Variants in ITGB8 observed in about 807,000 individuals in gnomAD.
The protein encoded by ITGB8 is integrin subunit beta 8, also known as integrin beta-8.
In ITGB8, 30 loss-of-function variants were observed where a neutral mutation model predicts 89.5. The observed-to-expected ratio is 0.34, with a 90% CI of 0.25 to 0.45. ITGB8 has a LOEUF of 0.45. ITGB8 is among the 20% of genes least tolerant of loss of function. The pLI is 1.00. For missense variants in ITGB8, 836 were observed against 933.3 expected, an observed-to-expected ratio of 0.90 and a Z score of 1.36; for synonymous variants, 335 against 320.4, an observed-to-expected ratio of 1.05 and a Z score of -0.49.
chr7:20,335,623 G>T (rs140928868), intron 1 of ITGB8, among the ~76,000 whole-genome samples: 41 of 152,120 alleles, frequency 2.7e-4, no homozygotes, highest in African/African-American at 9.6e-4. Context: ...CTCTCCTTTT[G>T]CTATAAGTCC....
intron 1 of ITGB8, among the ~76,000 whole-genome samples, chr7:20,344,778 C>G (rs1294306146): frequency 6.6e-6 from 1 of 152,148 alleles, no homozygotes; most frequent in East Asian, 1.9e-4. Context: ...CAGAAGTAAA[C>G]AGAAAGAGAG....
At position 20,409,875 on chromosome 7, in the gene ITGB8, G is replaced by A. The variant is rs953061426; in HGVS notation, c.2188G>A (p.Asp730Asn). The change falls in exon 14 of 14, where the codon GAT becomes AAT. Residue 730 changes from aspartate to asparagine, a missense_variant and splice_region_variant. Asp to Asn is a conservative substitution (Grantham distance 23). This residue lies in a region of ITGB8 where 422 missense variants were observed against 416.9 expected (regional missense o/e 1.01). Coordinates refer to ENST00000222573, the MANE Select transcript of ITGB8 (RefSeq NM_002214.3). ...ATAATAATATTTCTTCTCTATTAAG[G>A]ATAAGTTGATTCTGCAAAGTGTTTG... is the stretch of plus-strand genomic sequence containing the variant. ...SDYRVSASKK[D>N]KLILQSVCTR... The A allele has an allele frequency of 6.2e-6, 10 of 1,613,068 alleles. No homozygotes were observed. The highest frequency in any genetic ancestry group is 3.3e-5 in the Admixed American group (2 of 59,922).
chr7:20,402,313 C>T (rs888186091), intron 10 of ITGB8, among the ~76,000 whole-genome samples, 187 bp downstream of exon 10: 1 of 152,158 alleles, frequency 6.6e-6, no homozygotes, highest in African/African-American at 2.4e-5. Context: ...ATATTTATAT[C>T]TTAACCTATT....
intron 6 of ITGB8, 171 bp downstream of exon 6, chr7:20,382,056 C>T (rs1248155113): frequency 4.1e-6 from 2 of 490,498 alleles, no homozygotes; most frequent in Non-Finnish European, 7.1e-6. Context: ...AAATACTGAT[C>T]AATAAAATAT....
chr7:20,385,147 C>A (rs994434216), intron 6 of ITGB8, among the ~76,000 whole-genome samples: 1 of 152,226 alleles, frequency 6.6e-6, no homozygotes, highest in Non-Finnish European at 1.5e-5. Context: ...AGAAACTGTT[C>A]ACCCACCCCT....
chr7:20,362,446 A>C (rs1785541259), intron 1 of ITGB8, among the ~76,000 whole-genome samples: 1 of 152,226 alleles, frequency 6.6e-6, no homozygotes, highest in Non-Finnish European at 1.5e-5. Context: ...GAGATGGCAA[A>C]GAGAGATACT....
intron 5 of ITGB8, 123 bp from the exon 6 acceptor site, chr7:20,381,604 C>G (rs1786397700): frequency 1.5e-6 from 1 of 668,268 alleles, no homozygotes; most frequent in African/African-American, 1.8e-5. Context: ...AGCGTTGTAC[C>G]CACGCACATC....
chr7:20,344,133 A>G (rs1337647415), intron 1 of ITGB8, among the ~76,000 whole-genome samples: 1 of 152,162 alleles, frequency 6.6e-6, no homozygotes, highest in Non-Finnish European at 1.5e-5. Flanking sequence ...GTGGGCATAC[A>G]ATACGAGATA....
chr7:20,401,693 T>C, intron 9 of ITGB8, 28 bp from the exon 10 acceptor site: 1 of 1,356,610 alleles, frequency 7.4e-7, no homozygotes, highest in Non-Finnish European at 1.0e-6. Context: ...GGTATATAAA[T>C]ATATTTCCTT....
intron 3 of ITGB8, among the ~76,000 whole-genome samples, chr7:20,369,526 A>G (rs1785843999): frequency 6.6e-6 from 1 of 152,184 alleles, no homozygotes; most frequent in South Asian, 2.1e-4. Flanking sequence ...TGTCGGCTCC[A>G]TCCTCATGAC....
chr7:20,392,725 T>C (rs1178308773), intron 7 of ITGB8, among the ~76,000 whole-genome samples: 3 of 152,222 alleles, frequency 2.0e-5, no homozygotes, highest in African/African-American at 7.2e-5. Context: ...CTACATCATG[T>C]ATACACATTA....
At position 20,331,766 on chromosome 7, in the gene ITGB8, A is replaced by G; in HGVS notation, c.-41A>G. The G allele has an allele frequency of 6.3e-7, 1 of 1,592,794 alleles. No homozygotes were observed. Among genetic ancestry groups the G allele is most frequent in the Non-Finnish European group, 8.5e-7 (1 of 1,170,048 alleles). ...CGGGAGGCGCGAGCCCGCGTCCGGAAGGCAGTCAGGCGGCGGGCGCGGGGC... is the reference window on the plus strand; with the variant it reads ...CGGGAGGCGCGAGCCCGCGTCCGGAGGGCAGTCAGGCGGCGGGCGCGGGGC... On this transcript the variant is annotated 5_prime_UTR_variant, in exon 1 of 14. Transcript: ENST00000222573.
At chr7:20,362,483 C>T (rs1785542777) in intron 1 of ITGB8, among the ~76,000 whole-genome samples, 1 of 152,166 alleles carries the variant, frequency 6.6e-6, no homozygotes, top group African/African-American at 2.4e-5. Flanking sequence ...GGGGAGCAAT[C>T]CTTAAATATG....
intron 1 of ITGB8, among the ~76,000 whole-genome samples, chr7:20,347,752 G>C (rs1354625668): frequency 6.6e-6 from 1 of 152,148 alleles, no homozygotes; most frequent in Non-Finnish European, 1.5e-5. Context: ...GTGAGAGTTT[G>C]GAACTGAAGG....
intron 1 of ITGB8, among the ~76,000 whole-genome samples, chr7:20,341,713 G>T (rs772860506): frequency 3.7e-4 from 57 of 152,062 alleles, no homozygotes; most frequent in Non-Finnish European, 1.9e-4. Context: ...GGGCTGTCCG[G>T]GGCTGACAGT....
chr7:20,359,399 C>T (rs558919343), intron 1 of ITGB8, among the ~76,000 whole-genome samples: 1 of 152,306 alleles, frequency 6.6e-6, no homozygotes, highest in East Asian at 1.9e-4. Flanking sequence ...GAACAAGCAG[C>T]AACTGCAATC....
chr7:20,347,394 A>G (rs759237508), intron 1 of ITGB8, among the ~76,000 whole-genome samples: 1 of 152,166 alleles, frequency 6.6e-6, no homozygotes, highest in Non-Finnish European at 1.5e-5. Flanking sequence ...GGTGTTTGTA[A>G]GAGATTCTGA....
chr7:20,369,889 A>C (rs1785857171), intron 3 of ITGB8, among the ~76,000 whole-genome samples: 1 of 152,142 alleles, frequency 6.6e-6, no homozygotes, highest in African/African-American at 2.4e-5. Context: ...CTAGTCCTAT[A>C]AGCCAATAAT....
At chr7:20,370,732 C>T (rs1583500930) in intron 3 of ITGB8, among the ~76,000 whole-genome samples, 1 of 151,844 alleles carries the variant, frequency 6.6e-6, no homozygotes, top group Admixed American at 6.6e-5. Context: ...TGCCTCAGCC[C>T]CCTGAATAGC....
Sources: allele counts gnomAD v4.1 joint callset (sites outside exome capture counted in the v4.1 genomes callset), GRCh38; gene constraint gnomAD v4.1.1; regional missense constraint gnomAD v4.1.1; transcripts MANE v1.5; gene names NCBI Gene and HGNC (gene_info 2026-07-23, HGNC 2026-07-21).